The following MAP3K13 variants were observed in gnomAD, a reference collection of about 807,000 sequenced individuals.
The protein encoded by MAP3K13 is mitogen-activated protein kinase kinase kinase 13.
In MAP3K13, 52 loss-of-function variants were observed where a neutral mutation model predicts 104.0. The ratio of observed to expected loss-of-function variants is 0.50; its 90% CI spans 0.40 to 0.63. The LOEUF (loss-of-function observed/expected upper bound fraction) is 0.63. Ranked by LOEUF, MAP3K13 falls within the 20% of genes least tolerant of loss-of-function variation. The probability of loss-of-function intolerance (pLI) is 0.00; values close to 1 mark genes in which losing one functional copy is unlikely to be tolerated. For missense variants in MAP3K13, 914 were observed against 1,218.5 expected (o/e 0.75, Z 3.72); for synonymous variants, 394 against 442.2 (o/e 0.89, Z 1.37).
chr3:185,395,357 C>CTTTCTTTTTT (rs1553798321), intron 1 of MAP3K13, among the ~76,000 whole-genome samples: 48,584 of 70,646 alleles, frequency 0.69, 19,794 homozygotes, highest in South Asian at 0.83. Context: ...AATATTATTT[C>CTTTCTTTTTT]TTTTTTTTTT....
intron 2 of MAP3K13, among the ~76,000 whole-genome samples, chr3:185,339,618 T>G (rs1023236131): frequency 3.9e-5 from 6 of 152,250 alleles, no homozygotes; most frequent in Non-Finnish European, 7.3e-5. Context: ...ATAAATATCT[T>G]CAGGTTTTGT....
chr3:185,338,164 A>G lies in MAP3K13; in HGVS notation c.-86+52521A>G, dbSNP rs192252591. ...GCCAACATGGTGAAACCCCGTCTCT[A>G]CTAAAAATACAAAAAATTAGCTGGG... On this transcript the variant is annotated intron_variant, in intron 2 of 14. Transcript: ENST00000424227. Among the ~76,000 whole-genome samples, 4 of 152,082 alleles carry G rather than the reference A, an allele frequency of 2.6e-5. No homozygotes were observed. In the East Asian group the frequency reaches 7.7e-4, roughly 29 times the overall value.
intron 1 of MAP3K13, among the ~76,000 whole-genome samples, chr3:185,367,341 A>T (rs1723936535): frequency 6.6e-6 from 1 of 152,208 alleles, no homozygotes; most frequent in Non-Finnish European, 1.5e-5. Flanking sequence ...TCTAATGTGC[A>T]GCCGGGCTTG....
Position 185,315,695 on chromosome 3 carries a change from A to G in MAP3K13, c.-86+30052A>G, listed in dbSNP as rs1321059467. On this transcript the variant is annotated intron_variant, in intron 2 of 14. Coordinates refer to the MAP3K13 transcript ENST00000424227. This position sits in a 1 kb window ranked among gnomAD's most constrained non-coding sequence, Gnocchi z 4.3. ...TAGTGTACCCTATTGCAAATGGGAT[A>G]TTAACCACCTTTACTTTCAGGGACC... Among the ~76,000 whole-genome samples the G allele has an allele frequency of 6.6e-6, 1 of 152,228 alleles. No homozygotes were observed. The highest frequency in any genetic ancestry group is 1.5e-5 in the Non-Finnish European group (1 of 68,042).
intron 1 of MAP3K13, among the ~76,000 whole-genome samples, chr3:185,414,384 A>C (rs1713624782): frequency 6.6e-6 from 1 of 152,330 alleles, no homozygotes; most frequent in South Asian, 2.1e-4. Flanking sequence ...AGACGGTGGG[A>C]AAAGAAAAAG....
At chr3:185,347,176 G>T (rs530295283) in intron 2 of MAP3K13, among the ~76,000 whole-genome samples, 1 of 151,734 alleles carries the variant, frequency 6.6e-6, no homozygotes, top group Non-Finnish European at 1.5e-5. Context: ...TAGTAGAGAC[G>T]GGGTTTCACC....
intron 1 of MAP3K13, among the ~76,000 whole-genome samples, chr3:185,381,874 A>G (rs905372111): frequency 1.3e-5 from 2 of 152,274 alleles, no homozygotes; most frequent in East Asian, 3.8e-4. Flanking sequence ...AGAGGCTTAC[A>G]GAAACCTAAC....
chr3:185,380,381 C>G (rs578003402), intron 1 of MAP3K13, among the ~76,000 whole-genome samples: 7 of 148,996 alleles, frequency 4.7e-5, no homozygotes, highest in Non-Finnish European at 8.9e-5. Flanking sequence ...CATGGTGTTG[C>G]GTGCCTGCAG....
intron 2 of MAP3K13, among the ~76,000 whole-genome samples, chr3:185,343,676 C>T (rs974116046): frequency 5.3e-5 from 8 of 152,296 alleles, no homozygotes; most frequent in East Asian, 1.9e-4. Flanking sequence ...TGGTCTCGAT[C>T]TCTTGACCTT....
chr3:185,359,919 T>A (rs1418025964), upstream of MAP3K13, among the ~76,000 whole-genome samples: 1 of 152,008 alleles, frequency 6.6e-6, no homozygotes, highest in Non-Finnish European at 1.5e-5. Flanking sequence ...TTTTCCTTTT[T>A]TAAAAACACA....
chr3:185,283,897 T>G (rs184781945), intron 1 of MAP3K13, among the ~76,000 whole-genome samples: 1,614 of 145,074 alleles, frequency 0.011, 20 homozygotes, highest in Non-Finnish European at 0.012. Flanking sequence ...TTTCTTTCTT[T>G]CTTTTTTTTT....
chr3:185,371,789 C>T (rs147605214), intron 1 of MAP3K13, among the ~76,000 whole-genome samples: 1 of 152,236 alleles, frequency 6.6e-6, no homozygotes, highest in Non-Finnish European at 1.5e-5. Flanking sequence ...CTGAAAAAGA[C>T]TCTTTGGAGT....
At chr3:185,331,348 G>A (rs530757783) in intron 2 of MAP3K13, among the ~76,000 whole-genome samples, 8 of 152,082 alleles carry the variant, frequency 5.3e-5, no homozygotes, top group African/African-American at 1.2e-4. Context: ...GCCTGCCTTG[G>A]CCTCCCAAAG....
chr3:185,422,710 T>C (rs1192160035), intron 1 of MAP3K13, among the ~76,000 whole-genome samples: 1 of 152,218 alleles, frequency 6.6e-6, no homozygotes, highest in East Asian at 1.9e-4. Flanking sequence ...GAAATTCACA[T>C]ATATATTTGG....
At chr3:185,446,383 G>A (rs1715596308) in intron 4 of MAP3K13, among the ~76,000 whole-genome samples, 1 of 151,918 alleles carries the variant, frequency 6.6e-6, no homozygotes, top group Non-Finnish European at 1.5e-5. Flanking sequence ...AGCCTCCCGA[G>A]TGGCTGGGAC....
intron 2 of MAP3K13, among the ~76,000 whole-genome samples, chr3:185,430,035 A>G (rs1323630541): frequency 6.6e-6 from 1 of 152,156 alleles, no homozygotes; most frequent in East Asian, 1.9e-4. Flanking sequence ...CCCCGTCTCT[A>G]TTAAAAATAC....
At position 185,322,634 on chromosome 3, in the gene MAP3K13, T is replaced by C. The variant is rs148531280; in HGVS notation, c.-86+36991T>C. 2.2e-4 allele frequency among the ~76,000 whole-genome samples: 33 copies of C among 152,324 alleles called. 2 individuals are homozygous for C. In the East Asian group the frequency reaches 6.4e-3, roughly 29 times the overall value. On this transcript the variant is annotated intron_variant, in intron 2 of 14. Transcript: ENST00000424227. ...TCTCATACTGTGTATCCAGATGCCT[T>C]TTGGACAATTCAACTAGGACATTTT...
At chr3:185,461,192 T>C (rs1346996693) in intron 7 of MAP3K13, among the ~76,000 whole-genome samples, 2 of 152,188 alleles carry the variant, frequency 1.3e-5, no homozygotes. Context: ...AACAATGCAG[T>C]AGTGTATTCT....
chr3:185,479,920 T>G (rs1043235269), intron 12 of MAP3K13, among the ~76,000 whole-genome samples: 2 of 152,202 alleles, frequency 1.3e-5, no homozygotes, highest in Non-Finnish European at 2.9e-5. Context: ...CCTCTTTTTA[T>G]AAGGCTGCCA....
Sources: allele counts gnomAD v4.1 joint callset (sites outside exome capture counted in the v4.1 genomes callset), GRCh38; gene constraint gnomAD v4.1.1; non-coding constraint Gnocchi (gnomAD v3.1); transcripts MANE v1.5; gene names NCBI Gene and HGNC (gene_info 2026-07-23, HGNC 2026-07-21).